The following SYDE2 variants were observed in gnomAD, a reference collection of about 807,000 sequenced individuals.
SYDE2 encodes the protein rho GTPase-activating protein SYDE2.
In SYDE2, 76 loss-of-function variants were observed where a neutral mutation model predicts 91.5. The observed-to-expected ratio is 0.83, with a 90% CI of 0.69 to 1.01. SYDE2 has a LOEUF of 1.01. Ranked by LOEUF, SYDE2 falls within the 50% of genes least tolerant of loss-of-function variation. The pLI is 0.00. For missense variants in SYDE2, 1,364 were observed against 1,367.7 expected (o/e 1.00, Z 0.04); for synonymous variants, 513 against 506.4 (o/e 1.01, Z -0.18).
Position 85,183,016 on chromosome 1 carries a change from C to A in SYDE2, c.1626G>T (p.Lys542Asn). The A allele has an allele frequency of 1.9e-6, 3 of 1,612,928 alleles. 1 individual carries two copies. Among genetic ancestry groups the A allele is most frequent in the African/African-American group, 2.7e-5 (2 of 74,932 alleles). ...KMKKLPEFSR[K>N]LSVKGTLNYI... ...AATTCAATGTTCCCTTAACGCTTAG[C>A]TTTCGGCTAAATTCTGGCAACTTTT... Residue 542 changes from lysine (K) to asparagine (N), a missense_variant, in exon 3 of 7, where the codon AAG (lysine) becomes AAT (asparagine). Physicochemically the swap from Lys to Asn is moderately conservative, Grantham distance 94 (BLOSUM62 0). Coordinates refer to ENST00000341460, the MANE Select transcript of SYDE2 (RefSeq NM_032184.2).
At chr1:85,174,251 G>A (rs546561679) in intron 4 of SYDE2, among the ~76,000 whole-genome samples, 17 of 152,138 alleles carry the variant, frequency 1.1e-4, no homozygotes, top group African/African-American at 4.1e-4. Flanking sequence ...AGAAAACAAA[G>A]ATGTAGAAGA....
At chr1:85,200,049 AAG>A in intron 1 of SYDE2, 286 of 750,008 alleles carry the variant, frequency 3.8e-4, no homozygotes, top group East Asian at 1.1e-3. Flanking sequence ...TCTGATTAAA[AAG>A]AAAAAAAAAA....
In SYDE2 at chr1:85,190,513, A is replaced by G. The variant is rs781598221; in HGVS notation, c.985T>C (p.Ser329Pro). Residue 329 changes from serine to proline, a missense_variant, in exon 2 of 7, where the codon TCT becomes CCT. By Grantham distance (74) the Ser-to-Pro change is moderately conservative. Transcript: ENST00000341460. ...VSLPKHQLSQ[S>P]FLKSSKEYCT... The stretch of plus-strand genomic sequence containing the variant: ...TACTCTTTAGATGATTTGAGGAAAG[A>G]CTGTGATAGCTGATGTTTAGGTAGA... The G allele has an allele frequency of 1.9e-5, 31 of 1,613,906 alleles. No individual in the cohort carries two copies. The East Asian group carries it at 6.7e-4, about 35-fold the overall frequency.
intron 6 of SYDE2, 133 bp downstream of exon 6, chr1:85,164,393 G>T: frequency 1.8e-6 from 1 of 562,076 alleles, no homozygotes; most frequent in Non-Finnish European, 3.0e-6. Context: ...TAAAGGGCAG[G>T]TATCAATTCA....
intron 4 of SYDE2, among the ~76,000 whole-genome samples, chr1:85,173,451 C>T (rs949762310): frequency 1.3e-5 from 2 of 152,072 alleles, no homozygotes; most frequent in African/African-American, 2.4e-5. Flanking sequence ...GTTTTAGCCA[C>T]CAAGTTTGTG....
In SYDE2 at chr1:85,164,528, G is replaced by A; in HGVS notation, c.3083C>T (p.Pro1028Leu). The A allele has an allele frequency of 1.9e-6, 3 of 1,577,702 alleles. No homozygotes were observed. The highest frequency in any genetic ancestry group is 2.6e-6 in the Non-Finnish European group (3 of 1,162,138). ...AACATTTCCATAGAATCATTTACCT[G>A]GCCAGAGTTGGAGTAAGTAATGAAG... ...EVLHYLLQLW[P>L]VQRLTVKKST... Residue 1028 changes from proline (P) to leucine (L), a missense_variant and splice_region_variant, in exon 6 of 7, where the codon CCA (proline) becomes CTA (leucine). Physicochemically the swap from Pro to Leu is moderately conservative, Grantham distance 98. Coordinates refer to ENST00000341460, the MANE Select transcript of SYDE2 (RefSeq NM_032184.2).
At chr1:85,177,681 A>G (rs541452351) in intron 4 of SYDE2, among the ~76,000 whole-genome samples, 1 of 152,146 alleles carries the variant, frequency 6.6e-6, no homozygotes, top group South Asian at 2.1e-4. Flanking sequence ...GTCTCTTCTA[A>G]TTTCAATCCA....
chr1:85,160,915 A>T, intron 6 of SYDE2: 1 of 984,584 alleles, frequency 1.0e-6, no homozygotes, highest in Non-Finnish European at 1.2e-6. Context: ...GTTTCTGTGT[A>T]TTATCTTGGA....
rs1656944263 is a variant in SYDE2, at chr1:85,158,618, CAGAT to C, written c.*128_*131del. 1.8e-6 allele frequency: 1 copy of C among 548,296 alleles called. No homozygotes were observed. 34.0% of individuals were successfully genotyped at this position (548,296 alleles called of 1,614,324 possible). A position where few individuals can be genotyped will look rare whatever the true frequency, so the allele number is the denominator to read the frequency against. ...TAATGAATAGTGTTTTTAATTGAAT[CAGAT>C]AAACTTATTAAAAATTAATTAAAGA... On this transcript the variant is annotated 3_prime_UTR_variant, in exon 7 of 7. Transcript: ENST00000341460.
chr1:85,189,174 A>G (rs1658264297), intron 2 of SYDE2, among the ~76,000 whole-genome samples: 1 of 152,232 alleles, frequency 6.6e-6, no homozygotes, highest in Non-Finnish European at 1.5e-5. Context: ...TTTAGGTTCC[A>G]TAACTACTGT....
At chr1:85,186,344 T>C (rs1453676436) in intron 2 of SYDE2, among the ~76,000 whole-genome samples, 1 of 152,176 alleles carries the variant, frequency 6.6e-6, no homozygotes, top group Admixed American at 6.5e-5. Context: ...TCTTTTTCTA[T>C]TGATTGGAAT....
At chr1:85,166,915 T>C (rs978236992) in intron 5 of SYDE2, among the ~76,000 whole-genome samples, 2 of 151,818 alleles carry the variant, frequency 1.3e-5, no homozygotes, top group Non-Finnish European at 2.9e-5. Flanking sequence ...CATGTTCCTT[T>C]TGAAAATTAG....
chr1:85,188,482 T>A (rs1294928615), intron 2 of SYDE2, among the ~76,000 whole-genome samples: 1 of 152,194 alleles, frequency 6.6e-6, no homozygotes, highest in African/African-American at 2.4e-5. Flanking sequence ...CACCTTCCTA[T>A]GTCCCTGAGA....
chr1:85,175,512 G>A (rs898932524), intron 4 of SYDE2, among the ~76,000 whole-genome samples: 4 of 152,042 alleles, frequency 2.6e-5, no homozygotes, highest in Non-Finnish European at 4.4e-5. Context: ...AAAGAATTAC[G>A]AATGGATTTT....
chr1:85,167,734 T>C (rs1657344023), intron 5 of SYDE2, among the ~76,000 whole-genome samples: 1 of 152,262 alleles, frequency 6.6e-6, no homozygotes, highest in South Asian at 2.1e-4. Context: ...TGTGATAGAC[T>C]ATTTAATATT....
chr1:85,192,488 A>C (rs771143726), intron 1 of SYDE2, among the ~76,000 whole-genome samples: 2 of 152,190 alleles, frequency 1.3e-5, no homozygotes, highest in Admixed American at 6.5e-5. Context: ...ATAATAAATA[A>C]ATAAATAAAC....
intron 4 of SYDE2, among the ~76,000 whole-genome samples, chr1:85,171,013 C>T (rs1249829949): frequency 1.3e-5 from 2 of 152,086 alleles, no homozygotes; most frequent in Non-Finnish European, 2.9e-5. Context: ...TGTTTCTTTC[C>T]TAGGCTTGGA....
At position 85,182,999 on chromosome 1, in the gene SYDE2, G is replaced by A. The variant is rs779221383; in HGVS notation, c.1643C>T (p.Thr548Ile). ...ATCTGGACTGTTTATATAATTCAAT[G>A]TTCCCTTAACGCTTAGCTTTCGGCT... Reference protein sequence around the residue: ...EFSRKLSVKGTLNYINSPDNT... With the variant: ...EFSRKLSVKGILNYINSPDNT... Residue 548 changes from threonine to isoleucine, a missense_variant, in exon 3 of 7, where the codon ACA becomes ATA. Physicochemically the swap from Thr to Ile is moderately conservative, Grantham distance 89. Transcript: ENST00000341460. 4 of 1,612,942 alleles carry A rather than the reference G, an allele frequency of 2.5e-6. No individual in the cohort carries two copies. The highest frequency in any genetic ancestry group is 3.3e-5 in the Admixed American group (2 of 59,882).
downstream of SYDE2, among the ~76,000 whole-genome samples, chr1:85,155,009 C>CAAAAAAAAAAAAAAAAAAAAAGA: frequency 1.2e-5 from 1 of 80,672 alleles, no homozygotes; most frequent in Non-Finnish European, 2.3e-5. Flanking sequence ...AAGAATGCAG[C>CAAAAAAAAAAAAAAAAAAAAAGA]AAAAAAAAAA....
Sources: gnomAD v4.1 joint callset for allele counts (sites outside exome capture counted in the v4.1 genomes callset) on GRCh38, gnomAD v4.1.1 for gene constraint, MANE v1.5 for transcripts, NCBI Gene and HGNC (gene_info 2026-07-23, HGNC 2026-07-21) for gene names.